The following HEPHL1 variants were observed in gnomAD, a reference collection of about 807,000 sequenced individuals.
HEPHL1 encodes hephaestin like 1.
HEPHL1 carries 123 observed loss-of-function variants against 122.0 expected under a neutral mutation model. The ratio of observed to expected loss-of-function variants is 1.01; its 90% CI spans 0.87 to 1.17. The LOEUF is 1.17. Ranked by LOEUF, HEPHL1 falls within the 50% of genes most tolerant of loss-of-function variation. HEPHL1 has a pLI of 0.00. For missense variants in HEPHL1, 1,452 were observed against 1,430.5 expected (o/e 1.01, Z -0.24); for synonymous variants, 527 against 508.9 (o/e 1.04, Z -0.48).
At chr11:94,031,331 TACACACACACACACACACACACACAC>T (rs3058474) in intron 1 of HEPHL1, among the ~76,000 whole-genome samples, 1 of 144,494 alleles carries the variant, frequency 6.9e-6, no homozygotes, top group African/African-American at 2.6e-5. Flanking sequence ...TGTGCATTGT[TACACACACACACACACACACACACAC>T]ACACACACAC....
intron 1 of HEPHL1, among the ~76,000 whole-genome samples, chr11:94,031,683 C>G (rs776681759): frequency 6.6e-6 from 1 of 152,310 alleles, no homozygotes; most frequent in East Asian, 1.9e-4. Context: ...CCTGTGATTC[C>G]TGGGGTTCTT....
intron 6 of HEPHL1, among the ~76,000 whole-genome samples, chr11:94,072,059 T>A (rs1048110334): frequency 1.3e-5 from 2 of 152,138 alleles, no homozygotes; most frequent in African/African-American, 2.4e-5. Context: ...TTGGAGCAGG[T>A]AAATAGCAAT....
rs1408320256 is a variant in HEPHL1 at position 94,101,285 on chromosome 11, TGGA to T, written c.2530_2532del (p.Glu844del). On this transcript the variant is annotated inframe_deletion, in exon 14 of 20. Coordinates refer to ENST00000315765, the MANE Select transcript of HEPHL1 (RefSeq NM_001098672.2). ...CCCTACTCCATCTCAGCCCAGGGTG[TGGA>T]GGAGATGGATAGTGGAAAGCAATTC... is the stretch of plus-strand genomic sequence containing the variant. The T allele has an allele frequency of 6.2e-7, 1 of 1,613,860 alleles. No homozygotes were observed. Among genetic ancestry groups the T allele is most frequent in the Admixed American group, 1.7e-5 (1 of 60,008 alleles).
At chr11:94,045,461 A>G (rs1283295492) in intron 1 of HEPHL1, among the ~76,000 whole-genome samples, 2 of 152,222 alleles carry the variant, frequency 1.3e-5, no homozygotes, top group Non-Finnish European at 2.9e-5. Context: ...GATTGTGAAT[A>G]CTGCTTGTGC....
At chr11:94,055,960 C>T in intron 2 of HEPHL1, 3 of 1,313,850 alleles carry the variant, frequency 2.3e-6, no homozygotes, top group Non-Finnish European at 3.2e-6. Flanking sequence ...GACTCTAACA[C>T]TTTGGCAGCC....
chr11:94,037,672 A>C (rs1945739164), intron 1 of HEPHL1, among the ~76,000 whole-genome samples: 1 of 152,144 alleles, frequency 6.6e-6, no homozygotes, highest in Admixed American at 6.5e-5. Context: ...GTCTGTTAGA[A>C]GGAAAAATAA....
chr11:94,056,115 T>C, intron 2 of HEPHL1: 1 of 290,526 alleles, frequency 3.4e-6, no homozygotes, highest in Admixed American at 5.2e-5. Flanking sequence ...ATATTGACCC[T>C]TTTATCGCGA....
chr11:94,104,443 C>A, intron 15 of HEPHL1, 85 bp from the exon 16 acceptor site: 1 of 915,816 alleles, frequency 1.1e-6, no homozygotes, highest in Non-Finnish European at 1.7e-6. Flanking sequence ...GGTATTATGA[C>A]CCTACACTAG....
chr11:94,060,127 TATATATATATATATATATATATAC>T (rs1400385973), intron 2 of HEPHL1, among the ~76,000 whole-genome samples: 3 of 7,858 alleles, frequency 3.8e-4, no homozygotes, highest in African/African-American at 5.4e-4. Flanking sequence ...TATATATATA[TATATATATATATATATATATATAC>T]ACGCACTGGG....
At position 94,113,866 on chromosome 11, in the gene HEPHL1, T is replaced by C. The variant is rs147392597; in HGVS notation, c.*1972T>C. On this transcript the variant is annotated 3_prime_UTR_variant, in exon 20 of 20. Coordinates refer to ENST00000315765, the MANE Select transcript of HEPHL1 (RefSeq NM_001098672.2). ...GCTATGACTATGCCAATGACACTTG[T>C]TAGAGGAAATGAAACAAAATAGTGT... The C allele has an allele frequency of 1.7e-3, 260 of 152,298 alleles. 2 individuals carry two copies. Among genetic ancestry groups the C allele is most frequent in the African/African-American group, 5.8e-3 (240 of 41,556 alleles). The allele number at this position is 152,298 out of a possible 1,614,324, so 9.4% of individuals were successfully genotyped here.
At chr11:94,106,768 C>A (rs1388227114) in intron 17 of HEPHL1, among the ~76,000 whole-genome samples, 2 of 152,092 alleles carry the variant, frequency 1.3e-5, no homozygotes, top group Non-Finnish European at 1.5e-5. Context: ...TTTTCCTCAC[C>A]CTTCCTTTTT....
At chr11:94,102,436 CT>C (rs1946374996) in intron 14 of HEPHL1, among the ~76,000 whole-genome samples, 1 of 152,148 alleles carries the variant, frequency 6.6e-6, no homozygotes, top group Non-Finnish European at 1.5e-5. Flanking sequence ...ACTTGAGAAG[CT>C]TTTAAAAAAC....
At chr11:94,072,466 G>A (rs1448867158) in intron 6 of HEPHL1, among the ~76,000 whole-genome samples, 1 of 152,112 alleles carries the variant, frequency 6.6e-6, no homozygotes, top group South Asian at 2.1e-4. Context: ...ACCATTGATG[G>A]AAATAAGATA....
At chr11:94,054,667 T>A (rs958724282) in intron 2 of HEPHL1, among the ~76,000 whole-genome samples, 2 of 152,228 alleles carry the variant, frequency 1.3e-5, no homozygotes, top group African/African-American at 4.8e-5. Context: ...ACATGTGTAC[T>A]CAGGCTGACA....
chr11:94,081,855 G>C (rs990544324), intron 9 of HEPHL1, among the ~76,000 whole-genome samples: 1 of 152,228 alleles, frequency 6.6e-6, no homozygotes, highest in Non-Finnish European at 1.5e-5. Context: ...GGTAAAGTGA[G>C]TGAGTTTCTG....
At chr11:94,063,389 G>A (rs1015115431) in intron 2 of HEPHL1, 119 bp from the exon 3 acceptor site, 2 of 791,888 alleles carry the variant, frequency 2.5e-6, no homozygotes, top group Non-Finnish European at 2.0e-6. Flanking sequence ...AAGTCCCATA[G>A]CAAATAAATT....
intron 2 of HEPHL1, among the ~76,000 whole-genome samples, chr11:94,061,917 T>C (rs563526057): frequency 6.6e-6 from 1 of 152,206 alleles, no homozygotes; most frequent in Non-Finnish European, 1.5e-5. Context: ...TAAGTTTCCC[T>C]TTACTGGACA....
chr11:94,034,773 G>A (rs1160701041), intron 1 of HEPHL1, among the ~76,000 whole-genome samples: 2 of 152,204 alleles, frequency 1.3e-5, no homozygotes, highest in East Asian at 1.9e-4. Flanking sequence ...AGCTGAATCC[G>A]ATACCAAGGA....
At chr11:94,110,349 A>G (rs1339713422) in intron 17 of HEPHL1, among the ~76,000 whole-genome samples, 1 of 152,206 alleles carries the variant, frequency 6.6e-6, no homozygotes, top group Admixed American at 6.5e-5. Context: ...ATGAGGAGGC[A>G]ATCAAGATGT....
Sources: allele counts gnomAD v4.1 joint callset (sites outside exome capture counted in the v4.1 genomes callset), GRCh38; gene constraint gnomAD v4.1.1; transcripts MANE v1.5; gene names NCBI Gene and HGNC (gene_info 2026-07-23, HGNC 2026-07-21).